DDX54: variants seen among roughly 807,000 people sequenced by gnomAD.
The protein encoded by DDX54 is DEAD-box helicase 54.
A neutral mutation model predicts 105.5 loss-of-function variants in DDX54; 67 were observed. The observed-to-expected ratio is 0.64, with a 90% CI of 0.52 to 0.78. The LOEUF is 0.78. Among genes scored for constraint, DDX54 ranks in the 30% least tolerant of loss-of-function variants. DDX54 has a pLI of 0.00. For synonymous variants in DDX54, 514 were observed against 509.9 expected, an observed-to-expected ratio of 1.01 and a Z score of -0.11; for missense variants, 1,206 against 1,230.5, an observed-to-expected ratio of 0.98 and a Z score of 0.30.
chr12:113,168,891 C>T (rs138584195), intron 12 of DDX54, among the ~76,000 whole-genome samples: 1,702 of 152,282 alleles, frequency 0.011, 28 homozygotes, highest in African/African-American at 0.039. Context: ...GATTGCACCA[C>T]TGCACTCCAG....
In DDX54 at chr12:113,158,825, C is replaced by T; in HGVS notation, c.*52G>A. On this transcript the variant is annotated 3_prime_UTR_variant, in exon 20 of 20. Transcript: ENST00000306014. The surrounding 1 kb of genome is among the most constrained non-coding windows in gnomAD (Gnocchi z 4.9). ...ACACAGTGGTGCACGGGAACGTCTG[C>T]TGATGCCCACCCTAAGGCCAATCAA... is the stretch of plus-strand genomic sequence containing the variant. 1 of 1,527,752 alleles carries T rather than the reference C, an allele frequency of 6.5e-7. No homozygotes were observed. Among genetic ancestry groups the T allele is most frequent in the Admixed American group, 1.9e-5 (1 of 51,888 alleles). 94.6% of individuals were successfully genotyped at this position (1,527,752 alleles called of 1,614,324 possible).
intron 11 of DDX54, among the ~76,000 whole-genome samples, chr12:113,170,314 G>A (rs1055626495): frequency 6.6e-6 from 1 of 152,176 alleles, no homozygotes; most frequent in Non-Finnish European, 1.5e-5. Flanking sequence ...CCACACAGTG[G>A]GAATTAAACA....
chr12:113,172,019 T>C (rs1257825604), intron 11 of DDX54, among the ~76,000 whole-genome samples: 1 of 152,090 alleles, frequency 6.6e-6, no homozygotes, highest in Non-Finnish European at 1.5e-5. Context: ...AAGTGTTGAG[T>C]ATCTCATGTA....
chr12:113,161,208 C>A, intron 19 of DDX54, 62 bp downstream of exon 19: 1 of 1,404,326 alleles, frequency 7.1e-7, no homozygotes, highest in South Asian at 1.3e-5. Flanking sequence ...TCAGCGTTAC[C>A]CTAATCTGAC....
intron 1 of DDX54, among the ~76,000 whole-genome samples, chr12:113,184,531 C>T (rs554860200): frequency 6.6e-6 from 1 of 152,182 alleles, no homozygotes; most frequent in African/African-American, 2.4e-5. Context: ...ACATAGTAAA[C>T]GGTCAACAAA....
Position 113,164,201 on chromosome 12 carries a change from C to A in DDX54, c.1804G>T (p.Ala602Ser). 1.3e-6 allele frequency: 2 copies of A among 1,577,562 alleles called. No homozygotes were observed. Among genetic ancestry groups the A allele is most frequent in the Non-Finnish European group, 1.7e-6 (2 of 1,162,720 alleles). The part of the protein sequence containing the change: ...AKRQKDRKAI[A>S]RFQQGQQGRQ... ...CCCTGCTGTCCCTGCTGGAAGCGGG[C>A]GATGGCCTTGCGGTCCTTCTGCCGC... Residue 602 changes from alanine (A) to serine (S), a missense_variant, in exon 15 of 20, where the codon GCC becomes TCC. Around this residue, in one of 3 missense-constraint regions of DDX54, gnomAD observed 961 missense variants for 1,019.1 expected, o/e 0.94. Coordinates refer to ENST00000306014, the MANE Select transcript of DDX54 (RefSeq NM_024072.4).
At chr12:113,166,962 G>C (rs970510638) in intron 12 of DDX54, among the ~76,000 whole-genome samples, 1 of 152,182 alleles carries the variant, frequency 6.6e-6, no homozygotes, top group African/African-American at 2.4e-5. Context: ...GGGGACAGAG[G>C]CTTCCTATGT....
chr12:113,180,790 A>G, intron 2 of DDX54, 139 bp downstream of exon 2: 1 of 1,405,642 alleles, frequency 7.1e-7, no homozygotes, highest in Non-Finnish European at 9.7e-7. Context: ...GCCCTGAATG[A>G]CTGGAGGACC....
At chr12:113,173,758 G>A (rs1016432406) in intron 10 of DDX54, among the ~76,000 whole-genome samples, 2 of 152,150 alleles carry the variant, frequency 1.3e-5, no homozygotes, top group Non-Finnish European at 1.5e-5. Context: ...AAAATAACCC[G>A]GATGTAAGGG....
chr12:113,180,589 T>G (rs1334912460), intron 2 of DDX54, among the ~76,000 whole-genome samples: 1 of 151,960 alleles, frequency 6.6e-6, no homozygotes, highest in Non-Finnish European at 1.5e-5. Context: ...AGTAACAGAG[T>G]CAGGCTTTAT....
intron 7 of DDX54, among the ~76,000 whole-genome samples, 185 bp from the exon 8 acceptor site, chr12:113,175,342 C>T (rs924815960): frequency 6.6e-6 from 1 of 152,210 alleles, no homozygotes. Flanking sequence ...TGGAATCTGT[C>T]TTGGTCATGT....
intron 10 of DDX54, among the ~76,000 whole-genome samples, chr12:113,174,191 A>AAAG (rs1952370342): frequency 6.6e-6 from 1 of 152,018 alleles, no homozygotes; most frequent in South Asian, 2.1e-4. Context: ...AAAAAAAAAA[A>AAAG]AAAGAAATGT....
rs752374976 is a variant in DDX54, at chr12:113,164,233, C to T, written c.1772G>A (p.Arg591His). The change falls in exon 15 of 20, where the codon CGC (arginine) becomes CAC (histidine). Residue 591 changes from arginine (R) to histidine (H), a missense_variant. By Grantham distance (29) the Arg-to-His change is conservative (BLOSUM62 0). Transcript: ENST00000306014. ...SSRDLCSQVM[R>H]AKRQKDRKAI... ...CTTGCGGTCCTTCTGCCGCTTGGCG[C>T]GCATCACCTGGCTGCACAGGTCTCG... 23 of 1,594,416 alleles carry T rather than the reference C, an allele frequency of 1.4e-5. No individual in the cohort carries two copies. The South Asian group carries it at 1.7e-4, about 12-fold the overall frequency.
At chr12:113,169,995 T>C in intron 11 of DDX54, 91 bp from the exon 12 acceptor site, 1 of 1,534,112 alleles carries the variant, frequency 6.5e-7, no homozygotes, top group Non-Finnish European at 8.8e-7. Context: ...CAGGTGAGCC[T>C]GGCCAAGCCT....
intron 19 of DDX54, 34 bp from the exon 20 acceptor site, chr12:113,159,143 T>A: frequency 6.4e-7 from 1 of 1,551,192 alleles, no homozygotes; most frequent in Non-Finnish European, 8.7e-7. Flanking sequence ...GCTCAGCTGT[T>A]GGGATCACTC....
chr12:113,169,344 C>T (rs1055074089), intron 12 of DDX54, among the ~76,000 whole-genome samples: 17 of 151,674 alleles, frequency 1.1e-4, no homozygotes, highest in Non-Finnish European at 5.9e-5. Flanking sequence ...AGGAATCAGC[C>T]GGGCGCAGTG....
chr12:113,178,832 T>A (rs1952433983), intron 5 of DDX54, 145 bp downstream of exon 5: 1 of 1,145,648 alleles, frequency 8.7e-7, no homozygotes, highest in East Asian at 2.6e-5. Context: ...CATGAGCCAC[T>A]GGGCCCGGCC....
rs1952315596 is a variant in DDX54 at position 113,169,821 on chromosome 12, G to A, written c.1363C>T (p.Leu455=). 1 of 1,614,144 alleles carries A rather than the reference G, an allele frequency of 6.2e-7. No homozygotes were observed. Among genetic ancestry groups the A allele is most frequent in the Non-Finnish European group, 8.5e-7 (1 of 1,180,036 alleles). The change falls in exon 12 of 20, where the codon CTG becomes TTG. Residue 455 remains leucine, a synonymous_variant. Transcript: ENST00000306014. ...AGGGTGAGGGAGCGGCCCAGGAACA[G>A]GTGCAGATCCAGCAGGTAGGGGATT... ...DEIPYLLDLH[L]FLGRSLTLAR...
Position 113,161,978 on chromosome 12 carries a change from A to G in DDX54, c.2215T>C (p.Phe739Leu). 6.2e-7 allele frequency: 1 copy of G among 1,612,418 alleles called. No homozygotes were observed. Among genetic ancestry groups the G allele is most frequent in the Non-Finnish European group, 8.5e-7 (1 of 1,179,538 alleles). The change falls in exon 18 of 20, where the codon TTT becomes CTT. Residue 739 changes from phenylalanine to leucine, a missense_variant. Transcript: ENST00000306014. ...TCTTCCTGTCCTGACTGTCCCACAA[A>G]CCGCTTCTTCTTACGGTCCCTGCAG... is the stretch of plus-strand genomic sequence containing the variant. ...QLKWDRKKKR[F>L]VGQSGQEDKK...
Sources: allele counts gnomAD v4.1 joint callset (sites outside exome capture counted in the v4.1 genomes callset), GRCh38; gene constraint gnomAD v4.1.1; regional missense constraint gnomAD v4.1.1; non-coding constraint Gnocchi (gnomAD v3.1); transcripts MANE v1.5; gene names NCBI Gene and HGNC (gene_info 2026-07-23, HGNC 2026-07-21).